Variants in PARVB observed in about 807,000 individuals in gnomAD.
PARVB encodes the protein parvin beta, also known as beta-parvin.
A neutral mutation model predicts 47.0 loss-of-function variants in PARVB; 46 were observed. That is an observed-to-expected ratio of 0.98 (90% CI 0.77 to 1.25). PARVB has a LOEUF of 1.25. Among genes scored for constraint, PARVB ranks in the 50% most tolerant of loss-of-function variants. The pLI is 0.00. For synonymous variants in PARVB, 196 were observed against 196.3 expected (o/e 1.00, Z 0.01); for missense variants, 473 against 471.6 (o/e 1.00, Z -0.03).
chr22:44,101,888 G>A lies in PARVB; in HGVS notation c.273+1765G>A, dbSNP rs186712009. Among the ~76,000 whole-genome samples the A allele has an allele frequency of 1.1e-4, 16 of 152,142 alleles. No homozygotes were observed. In the East Asian group the frequency reaches 2.7e-3, roughly 26 times the overall value. ...ACTTTGTTATTTCAAACAGAAGAACGTTGATGAGGAAAGTCACTGTCTTTT... is the reference window on the plus strand; with the variant it reads ...ACTTTGTTATTTCAAACAGAAGAACATTGATGAGGAAAGTCACTGTCTTTT... On this transcript the variant is annotated intron_variant, in intron 3 of 12. Transcript: ENST00000338758.
At chr22:44,078,961 A>G (rs935747176) in intron 1 of PARVB, among the ~76,000 whole-genome samples, 22 of 152,196 alleles carry the variant, frequency 1.4e-4, no homozygotes, top group Non-Finnish European at 2.8e-4. Context: ...TCTTGACCTA[A>G]GGTGATCCAC....
In PARVB at chr22:44,163,846, C is replaced by A. The variant is rs1369811338; in HGVS notation, c.946-12C>A. On this transcript the variant is annotated splice_polypyrimidine_tract_variant and intron_variant, in intron 11 of 12. Transcript: ENST00000338758. ...TGGACCCTAACGCTGACCCACCCCC[C>A]TTCCTTGGCAGGTCCACAATGTGTC... The A allele has an allele frequency of 1.9e-6, 3 of 1,602,136 alleles. No homozygotes were observed. The highest frequency in any genetic ancestry group is 1.1e-5 in the South Asian group (1 of 88,174).
At chr22:44,019,994 C>T (rs918863835), upstream of PARVB, among the ~76,000 whole-genome samples, 3 of 151,420 alleles carry the variant, frequency 2.0e-5, no homozygotes, top group Admixed American at 6.6e-5. Context: ...CCACAAGTGT[C>T]AACACTCCTG....
chr22:44,121,416 C>G (rs930300229), intron 4 of PARVB, among the ~76,000 whole-genome samples: 8 of 152,182 alleles, frequency 5.3e-5, no homozygotes, highest in African/African-American at 1.9e-4. Context: ...TTATCATTCT[C>G]TAAATTATGC....
intron 1 of PARVB, among the ~76,000 whole-genome samples, chr22:44,044,855 C>G (rs1222314765): frequency 6.6e-6 from 1 of 152,090 alleles, no homozygotes; most frequent in Non-Finnish European, 1.5e-5. Flanking sequence ...CATAAAAACC[C>G]CAGTTCAAGC....
At chr22:44,057,117 A>G (rs1447326681) in intron 1 of PARVB, among the ~76,000 whole-genome samples, 1 of 151,668 alleles carries the variant, frequency 6.6e-6, no homozygotes, top group African/African-American at 2.4e-5. Flanking sequence ...GCGTGTCTCA[A>G]CCTGACAAAA....
At chr22:44,016,386 G>A (rs1187512877) in intron 2 of PARVB, among the ~76,000 whole-genome samples, 3 of 152,160 alleles carry the variant, frequency 2.0e-5, no homozygotes, top group East Asian at 3.9e-4. Context: ...ATGAGCCACT[G>A]TGCCTGGCCT....
At chr22:44,140,669 C>T (rs1397703396) in intron 8 of PARVB, 18 of 502,700 alleles carry the variant, frequency 3.6e-5, no homozygotes, top group East Asian at 1.7e-4. Context: ...GCTCCTCATC[C>T]GTGAAATGGG....
At chr22:44,083,620 G>A (rs1041299807) in intron 1 of PARVB, among the ~76,000 whole-genome samples, 1 of 152,182 alleles carries the variant, frequency 6.6e-6, no homozygotes, top group African/African-American at 2.4e-5. Context: ...ATTGCAGGTT[G>A]TGGGGACAGT....
intron 2 of PARVB, among the ~76,000 whole-genome samples, chr22:44,095,833 G>T (rs769401666): frequency 1.3e-5 from 2 of 152,212 alleles, no homozygotes; most frequent in African/African-American, 4.8e-5. Flanking sequence ...AAGAAACGCC[G>T]ATGCAAGTTC....
chr22:44,168,062 C>G (rs150385603), intron 12 of PARVB: 1 of 157,900 alleles, frequency 6.3e-6, no homozygotes, highest in African/African-American at 2.4e-5. Context: ...CTCCAAGGGC[C>G]TCGAGCGTTA....
At chr22:44,072,533 C>T (rs1408703334) in intron 1 of PARVB, among the ~76,000 whole-genome samples, 6 of 152,228 alleles carry the variant, frequency 3.9e-5, no homozygotes, top group African/African-American at 7.2e-5. Flanking sequence ...CTCCATCTCC[C>T]GGGTTCAAGC....
intron 11 of PARVB, among the ~76,000 whole-genome samples, chr22:44,158,636 T>C (rs944645320): frequency 4.2e-4 from 64 of 152,236 alleles, no homozygotes; most frequent in African/African-American, 1.4e-3. Context: ...AGGGTCAAAT[T>C]TGGGGCATTC....
intron 1 of PARVB, among the ~76,000 whole-genome samples, chr22:44,024,779 A>C (rs2050701364): frequency 6.6e-6 from 1 of 151,988 alleles, no homozygotes; most frequent in Admixed American, 6.5e-5. Flanking sequence ...CGGCATAGCC[A>C]GCCGCGCGGG....
intron 3 of PARVB, chr22:44,114,069 GT>G (rs1419542016): frequency 1.0e-5 from 1 of 99,358 alleles, no homozygotes; most frequent in East Asian, 4.0e-4. Flanking sequence ...CAGATACATT[GT>G]TACTAAGTAA....
chr22:44,149,790 T>C (rs1421655170), intron 9 of PARVB: 3 of 152,266 alleles, frequency 2.0e-5, no homozygotes, highest in Non-Finnish European at 2.9e-5. Context: ...TGTGTTTGTG[T>C]CCTTAGCACC....
rs2053163637 is a variant in PARVB, at chr22:44,125,297, AAG to A, written c.376+6163_376+6164del. ...TGGCTGTAGAGACACAGTGGGAAAC[AAG>A]AGAGATGAGCCCCGCACCCTGCGCC... On this transcript the variant is annotated intron_variant, in intron 4 of 12. Coordinates refer to ENST00000338758, the MANE Select transcript of PARVB (RefSeq NM_013327.5). This position sits in a 1 kb window ranked among gnomAD's most constrained non-coding sequence, Gnocchi z 4.1. Among the ~76,000 whole-genome samples, 1 of 89,744 alleles carries A rather than the reference AAG, an allele frequency of 1.1e-5. No individual in the cohort carries two copies. The highest frequency in any genetic ancestry group is 2.8e-5 in the Non-Finnish European group (1 of 35,952). The allele number at this position is 89,744 out of a possible 152,430, so 58.9% of individuals were successfully genotyped here.
intron 12 of PARVB, among the ~76,000 whole-genome samples, chr22:44,167,276 G>A (rs2054188972): frequency 1.3e-5 from 2 of 152,190 alleles, no homozygotes; most frequent in South Asian, 4.1e-4. Context: ...GGGTGTTTGG[G>A]GAGCACAGAG....
Position 44,172,629 on chromosome 22 carries a change from C to G in PARVB, c.*3951C>G, listed in dbSNP as rs942588074. On this transcript the variant is annotated 3_prime_UTR_variant, in exon 13 of 13. Transcript: ENST00000338758. Reference sequence around the variant, plus strand: ...CGCTGGGCCGTGGTGTCCTAATTGTCTTGGTGACAAAGAGCAATTTTATTT... The same window carrying G: ...CGCTGGGCCGTGGTGTCCTAATTGTGTTGGTGACAAAGAGCAATTTTATTT... The G allele has an allele frequency of 1.2e-5, 3 of 242,438 alleles. No homozygotes were observed. The highest frequency in any genetic ancestry group is 7.1e-5 in the African/African-American group (3 of 42,282). The allele number at this position is 242,438 out of a possible 1,614,324, so 15.0% of individuals were successfully genotyped here.
Sources: allele counts gnomAD v4.1 joint callset (sites outside exome capture counted in the v4.1 genomes callset), GRCh38; gene constraint gnomAD v4.1.1; non-coding constraint Gnocchi (gnomAD v3.1); transcripts MANE v1.5; gene names NCBI Gene and HGNC (gene_info 2026-07-23, HGNC 2026-07-21).